Variants in CLEC4A observed in about 807,000 individuals in gnomAD.
CLEC4A encodes C-type (calcium dependent, carbohydrate-recognition domain) lectin, superfamily member 6.
CLEC4A carries 27 observed loss-of-function variants against 32.7 expected under a neutral mutation model. The observed-to-expected ratio is 0.83, with a 90% CI of 0.61 to 1.14. CLEC4A has a LOEUF of 1.14. Among genes scored for constraint, CLEC4A ranks in the 50% most tolerant of loss-of-function variants. The probability of loss-of-function intolerance (pLI) is 0.00; values close to 1 mark genes in which losing one functional copy is unlikely to be tolerated. For synonymous variants in CLEC4A, 89 were observed against 93.7 expected, an observed-to-expected ratio of 0.95 and a Z score of 0.29; for missense variants, 253 against 274.6, an observed-to-expected ratio of 0.92 and a Z score of 0.55.
At position 8,123,745 on chromosome 12, in the gene CLEC4A, T is replaced by G; in HGVS notation, c.-134T>G. On this transcript the variant is annotated 5_prime_UTR_variant, in exon 1 of 6. Coordinates refer to ENST00000229332, the MANE Select transcript of CLEC4A (RefSeq NM_016184.4). ...CCCCTCTTGAGGATATGTGCCTATC[T>G]GGTGCCTCTGCTCTCCACTAGTTGA... The G allele has an allele frequency of 1.6e-6, 1 of 639,906 alleles. No individual in the cohort carries two copies. The highest frequency in any genetic ancestry group is 2.8e-6 in the Non-Finnish European group (1 of 356,656). 39.6% of individuals were successfully genotyped at this position (639,906 alleles called of 1,614,324 possible).
chr12:8,127,516 G>A (rs1363358136), intron 2 of CLEC4A, among the ~76,000 whole-genome samples: 1 of 152,206 alleles, frequency 6.6e-6, no homozygotes, highest in Non-Finnish European at 1.5e-5. Flanking sequence ...CAATGTCACA[G>A]TCATAGAGAA....
chr12:8,134,666 T>A (rs781058342), intron 3 of CLEC4A: 2 of 1,587,386 alleles, frequency 1.3e-6, no homozygotes, highest in East Asian at 2.3e-5. Flanking sequence ...GCGGGGGACA[T>A]GGGGGAATCC....
upstream of CLEC4A, among the ~76,000 whole-genome samples, chr12:8,123,433 A>G (rs138357540): frequency 5.3e-5 from 8 of 152,356 alleles, no homozygotes; most frequent in African/African-American, 1.9e-4. Context: ...GATGAATGCA[A>G]CATAAGTCTA....
At chr12:8,126,421 T>G (rs2120575741) in intron 2 of CLEC4A, among the ~76,000 whole-genome samples, 1 of 151,228 alleles carries the variant, frequency 6.6e-6, no homozygotes, top group East Asian at 1.9e-4. Context: ...GGTTTTCTCA[T>G]GTTTCCTGGC....
chr12:8,136,605 C>A (rs1025245556), intron 4 of CLEC4A, among the ~76,000 whole-genome samples, 183 bp from the exon 5 acceptor site: 1 of 150,992 alleles, frequency 6.6e-6, no homozygotes, highest in Non-Finnish European at 1.5e-5. Flanking sequence ...ATGTACTGAA[C>A]ATCATGCTTA....
chr12:8,135,621 C>T lies in CLEC4A; in HGVS notation c.335C>T (p.Ser112Leu). ...AWSCCPKNWKSFSSNCYFIST... is the reference protein window; with the variant it reads ...AWSCCPKNWKLFSSNCYFIST... The stretch of plus-strand genomic sequence containing the variant: ...AGCTGTTGCCCAAAGAATTGGAAGT[C>T]ATTTAGTTCCAACTGCTACTTTATT... The change falls in exon 4 of 6, where the codon TCA (serine) becomes TTA (leucine). Residue 112 changes from serine (S) to leucine (L), a missense_variant. Coordinates refer to ENST00000229332, the MANE Select transcript of CLEC4A (RefSeq NM_016184.4). 1.9e-6 allele frequency: 3 copies of T among 1,614,104 alleles called. No homozygotes were observed. Among genetic ancestry groups the T allele is most frequent in the Non-Finnish European group, 2.5e-6 (3 of 1,179,944 alleles).
At chr12:8,120,848 CT>C (rs1333017802), upstream of CLEC4A, 3 of 152,212 alleles carry the variant, frequency 2.0e-5, no homozygotes, top group Non-Finnish European at 4.4e-5. Flanking sequence ...AAGGATTAAA[CT>C]TTGATACCCT....
At chr12:8,132,060 T>C (rs11043488) in intron 3 of CLEC4A, among the ~76,000 whole-genome samples, 119,605 of 152,096 alleles carry the variant, frequency 0.79, 49,815 homozygotes, top group East Asian at 0.94. Flanking sequence ...AACTCATGGA[T>C]ATTTATTTTA....
At chr12:8,137,034 T>A in intron 5 of CLEC4A, 131 bp downstream of exon 5, 1 of 537,384 alleles carries the variant, frequency 1.9e-6, no homozygotes, top group East Asian at 3.1e-5. Context: ...GTTAAATAAT[T>A]TCATTATCTC....
chr12:8,138,260 T>G lies in CLEC4A; in HGVS notation c.687T>G (p.Val229=), dbSNP rs1300142770. ...DVNCLGPQRS[V]CEMMKIHL ...ATTGTCTTGGTCCTCAAAGGTCAGTTTGTGAGATGATGAAGATCCACTTAT... is the reference window on the plus strand; with the variant it reads ...ATTGTCTTGGTCCTCAAAGGTCAGTGTGTGAGATGATGAAGATCCACTTAT... Residue 229 remains valine, a synonymous_variant, in exon 6 of 6, where the codon GTT becomes GTG. Coordinates refer to ENST00000229332, the MANE Select transcript of CLEC4A (RefSeq NM_016184.4). 1.2e-6 allele frequency: 2 copies of G among 1,614,154 alleles called. No homozygotes were observed. Among genetic ancestry groups the G allele is most frequent in the African/African-American group, 2.7e-5 (2 of 75,040 alleles).
chr12:8,118,588 G>A, the CLEC4A span, among the ~76,000 whole-genome samples: 1 of 152,166 alleles, frequency 6.6e-6, no homozygotes. Context: ...AAGAGAGAGA[G>A]GGGTGAGGTG....
chr12:8,136,246 G>A (rs930672722), intron 4 of CLEC4A, among the ~76,000 whole-genome samples: 2 of 152,156 alleles, frequency 1.3e-5, no homozygotes, highest in African/African-American at 4.8e-5. Flanking sequence ...AACCTGAGAT[G>A]AGAATTCATT....
At chr12:8,132,593 T>A (rs1458255406) in intron 3 of CLEC4A, among the ~76,000 whole-genome samples, 1 of 152,214 alleles carries the variant, frequency 6.6e-6, no homozygotes. Flanking sequence ...CCAGAGGCAC[T>A]GGAAAAGAAT....
chr12:8,123,870 C>CT lies in CLEC4A; in HGVS notation c.-7dup. 6.3e-7 allele frequency: 1 copy of CT among 1,596,338 alleles called. No individual in the cohort carries two copies. Among genetic ancestry groups the CT allele is most frequent in the Non-Finnish European group, 8.6e-7 (1 of 1,163,788 alleles). On this transcript the variant is annotated 5_prime_UTR_variant, in exon 1 of 6. Transcript: ENST00000229332. ...ATTTTCTGAAGAAAGCAGAAGCTCTCTTCCCATTATGACTTCGGAAATCAC... is the reference window on the plus strand; with the variant it reads ...ATTTTCTGAAGAAAGCAGAAGCTCTCTTTCCCATTATGACTTCGGAAATCAC...
At chr12:8,108,605 T>C in the CLEC4A span, among the ~76,000 whole-genome samples, 3 of 152,220 alleles carry the variant, frequency 2.0e-5, no homozygotes, top group Non-Finnish European at 4.4e-5. Flanking sequence ...TGGGTTTATA[T>C]AGATGGTTTT....
At chr12:8,131,115 G>A (rs1218746995) in intron 3 of CLEC4A, among the ~76,000 whole-genome samples, 3 of 152,306 alleles carry the variant, frequency 2.0e-5, no homozygotes, top group Non-Finnish European at 4.4e-5. Context: ...TTTTTGGGAG[G>A]AAGATCACAG....
intron 2 of CLEC4A, among the ~76,000 whole-genome samples, chr12:8,129,045 T>C (rs1343999532): frequency 6.6e-6 from 1 of 152,160 alleles, no homozygotes; most frequent in Non-Finnish European, 1.5e-5. Flanking sequence ...GGAGTCCCTT[T>C]AGATCCATTA....
the CLEC4A span, among the ~76,000 whole-genome samples, chr12:8,103,407 G>A: frequency 8.1e-5 from 3 of 37,244 alleles, no homozygotes. Flanking sequence ...TTTTTTTTTA[G>A]ACGGAGTCTC....
chr12:8,134,638 C>T (rs772907276), intron 3 of CLEC4A: 5 of 1,607,248 alleles, frequency 3.1e-6, no homozygotes, highest in Non-Finnish European at 4.2e-6. Flanking sequence ...TACGCCATCC[C>T]CCCGCAGAAC....
Sources: gnomAD v4.1 joint callset for allele counts (sites outside exome capture counted in the v4.1 genomes callset) on GRCh38, gnomAD v4.1.1 for gene constraint, MANE v1.5 for transcripts, NCBI Gene and HGNC (gene_info 2026-07-23, HGNC 2026-07-21) for gene names.